The following PLXDC2 variants were observed in gnomAD, a reference collection of about 807,000 sequenced individuals.
The protein encoded by PLXDC2 is plexin domain containing 2.
In PLXDC2, 40 loss-of-function variants were observed where a neutral mutation model predicts 68.9. That is an observed-to-expected ratio of 0.58 (90% CI 0.45 to 0.76). The LOEUF (loss-of-function observed/expected upper bound fraction) is 0.76, where lower values mean the gene tolerates loss of function less well. PLXDC2 is among the 30% of genes least tolerant of loss of function. PLXDC2 has a pLI of 0.00. For missense variants in PLXDC2, 644 were observed against 661.9 expected (o/e 0.97, Z 0.30); for synonymous variants, 243 against 234.2 (o/e 1.04, Z -0.34).
At chr10:19,908,790 T>A (rs1199841066) in intron 1 of PLXDC2, among the ~76,000 whole-genome samples, 1 of 152,178 alleles carries the variant, frequency 6.6e-6, no homozygotes, top group Non-Finnish European at 1.5e-5. Flanking sequence ...ATCAGGATAC[T>A]GTCCATGGGT....
intron 1 of PLXDC2, among the ~76,000 whole-genome samples, chr10:19,847,344 T>C (rs1301167836): frequency 6.6e-6 from 1 of 152,184 alleles, no homozygotes; most frequent in Non-Finnish European, 1.5e-5. Flanking sequence ...ATCTGAGAAC[T>C]GCTTCTGGGA....
rs1367142519 is a variant in PLXDC2, at chr10:19,882,948, T to TTCC, written c.112+65758_112+65759insCCT. Among the ~76,000 whole-genome samples, 384 of 129,980 alleles carry TTCC rather than the reference T, an allele frequency of 3.0e-3. 2 individuals carry two copies. The highest frequency in any genetic ancestry group is 0.011 in the African/African-American group (371 of 32,512). The allele number at this position is 129,980 out of a possible 152,430, so 85.3% of individuals were successfully genotyped here. On this transcript the variant is annotated intron_variant, in intron 1 of 13. Transcript: ENST00000377252. ...TTGGCAATTAAAATTTTTTTTTTTT[T>TTCC]TTTCCTTTCTTTCTTTTTTTTTTTT...
At chr10:20,055,870 T>C (rs1462887576) in intron 3 of PLXDC2, among the ~76,000 whole-genome samples, 1 of 152,154 alleles carries the variant, frequency 6.6e-6, no homozygotes, top group Non-Finnish European at 1.5e-5. Context: ...AGAACATTCG[T>C]ATAGTTATAA....
chr10:19,928,554 T>A (rs879299079), intron 1 of PLXDC2, among the ~76,000 whole-genome samples: 48 of 152,108 alleles, frequency 3.2e-4, no homozygotes, highest in Non-Finnish European at 5.3e-4. Flanking sequence ...ATCCTTTTAA[T>A]AATATGGGGG....
At chr10:20,146,429 CTTT>C (rs1834079026) in intron 5 of PLXDC2, among the ~76,000 whole-genome samples, 1 of 146,230 alleles carries the variant, frequency 6.8e-6, no homozygotes, top group South Asian at 2.2e-4. Context: ...TTCTTTCTTT[CTTT>C]TTCTTTCTTT....
At chr10:19,991,468 A>G (rs1431312937) in intron 1 of PLXDC2, among the ~76,000 whole-genome samples, 1 of 151,878 alleles carries the variant, frequency 6.6e-6, no homozygotes, top group Non-Finnish European at 1.5e-5. Context: ...AAATCAAAAT[A>G]TTTCACCCCT....
chr10:20,223,505 T>C (rs1835245479), intron 12 of PLXDC2, among the ~76,000 whole-genome samples: 2 of 151,856 alleles, frequency 1.3e-5, no homozygotes, highest in Non-Finnish European at 1.5e-5. Context: ...AGAGACAGGG[T>C]TTCCACCATG....
At chr10:20,189,306 T>G (rs1216876776) in intron 9 of PLXDC2, among the ~76,000 whole-genome samples, 1 of 150,602 alleles carries the variant, frequency 6.6e-6, no homozygotes, top group Non-Finnish European at 1.5e-5. Context: ...TAACAGGGCT[T>G]CCCTTTGGAG....
At position 20,139,864 on chromosome 10, in the gene PLXDC2, G is replaced by A. The variant is rs1434194861; in HGVS notation, c.542-3431G>A. On this transcript the variant is annotated intron_variant, in intron 4 of 13. Transcript: ENST00000377252. Reference sequence around the variant, plus strand: ...CACGGGGGCCGGTCAGGGGGTGGGGGGCTTCGGGAGGGATAGCATTAGGAG... The same window carrying A: ...CACGGGGGCCGGTCAGGGGGTGGGGAGCTTCGGGAGGGATAGCATTAGGAG... 2.0e-5 allele frequency among the ~76,000 whole-genome samples: 3 copies of A among 151,924 alleles called. No individual in the cohort carries two copies. The East Asian group carries it at 5.8e-4, about 29-fold the overall frequency.
At chr10:20,118,285 A>G (rs967946771) in intron 4 of PLXDC2, among the ~76,000 whole-genome samples, 5 of 152,192 alleles carry the variant, frequency 3.3e-5, no homozygotes, top group African/African-American at 1.2e-4. Flanking sequence ...AGTGAATTGC[A>G]ATATGAATAT....
In PLXDC2 at chr10:20,174,806, A is replaced by T. The variant is rs952622619; in HGVS notation, c.884-2193A>T. On this transcript the variant is annotated intron_variant, in intron 7 of 13. Transcript: ENST00000377252. ...TTAAAGTATAATTAAAAAAAAAGAT[A>T]TGAGTAGAGGGAAGGAGAGATACTT... 5.3e-5 allele frequency among the ~76,000 whole-genome samples: 8 copies of T among 152,084 alleles called. No individual in the cohort carries two copies. The East Asian group carries it at 1.5e-3, about 29-fold the overall frequency.
intron 13 of PLXDC2, among the ~76,000 whole-genome samples, chr10:20,255,290 C>A (rs1835729435): frequency 6.6e-6 from 1 of 152,048 alleles, no homozygotes; most frequent in Admixed American, 6.6e-5. Flanking sequence ...AAATGAAAAT[C>A]TGCAAAGCTA....
At chr10:19,927,938 C>A (rs10827905) in intron 1 of PLXDC2, among the ~76,000 whole-genome samples, 92,379 of 151,534 alleles carry the variant, frequency 0.61, 28,596 homozygotes, top group East Asian at 0.82. Flanking sequence ...GTTTTTCATC[C>A]CTCACCTCCC....
At chr10:20,051,208 G>C (rs1163308952) in intron 3 of PLXDC2, among the ~76,000 whole-genome samples, 2 of 151,688 alleles carry the variant, frequency 1.3e-5, no homozygotes, top group Non-Finnish European at 2.9e-5. Context: ...ACAAAGTAGG[G>C]AAAAACAGAC....
chr10:19,865,854 A>G (rs1423421661), intron 1 of PLXDC2, among the ~76,000 whole-genome samples: 2 of 152,190 alleles, frequency 1.3e-5, no homozygotes, highest in Non-Finnish European at 2.9e-5. Flanking sequence ...CACATGATGA[A>G]CACCTACAAT....
chr10:20,055,884 A>G (rs1182954805), intron 3 of PLXDC2, among the ~76,000 whole-genome samples: 1 of 152,174 alleles, frequency 6.6e-6, no homozygotes, highest in Non-Finnish European at 1.5e-5. Flanking sequence ...GTTATAAAAT[A>G]TTAAAGGAAT....
rs528075722 is a variant in PLXDC2 at position 20,115,859 on chromosome 10, C to T, written c.542-27436C>T. 3.3e-5 allele frequency among the ~76,000 whole-genome samples: 5 copies of T among 152,240 alleles called. No individual in the cohort carries two copies. The East Asian group carries it at 5.8e-4, about 18-fold the overall frequency. On this transcript the variant is annotated intron_variant, in intron 4 of 13. Transcript: ENST00000377252. ...ACTGTCATGGTCAGGTCAGGTTATC[C>T]GGGATAAATCCTACCTTCAGCCATC...
chr10:20,237,517 T>C (rs1413494490), intron 12 of PLXDC2, among the ~76,000 whole-genome samples: 3 of 152,198 alleles, frequency 2.0e-5, no homozygotes, highest in Non-Finnish European at 4.4e-5. Flanking sequence ...AAAATGAGAC[T>C]GATCAGTTGC....
At chr10:20,187,083 A>T (rs1176079972) in intron 9 of PLXDC2, among the ~76,000 whole-genome samples, 1 of 151,876 alleles carries the variant, frequency 6.6e-6, no homozygotes, top group African/African-American at 2.4e-5. Context: ...TTCAAAAAAA[A>T]ATCCCAAGAA....
Sources: gnomAD v4.1 joint callset for allele counts (sites outside exome capture counted in the v4.1 genomes callset) on GRCh38, gnomAD v4.1.1 for gene constraint, MANE v1.5 for transcripts, NCBI Gene and HGNC (gene_info 2026-07-23, HGNC 2026-07-21) for gene names.